Variants in SDK1 observed in about 807,000 individuals in gnomAD.
The protein encoded by SDK1 is protein sidekick-1.
Under a neutral mutation model 245.5 loss-of-function variants are expected in SDK1, and 157 were observed. That is an observed-to-expected ratio of 0.64 (90% CI 0.56 to 0.73). The LOEUF is 0.73. SDK1 is among the 30% of genes least tolerant of loss of function. SDK1 has a pLI of 0.00. For missense variants in SDK1, 3,583 were observed against 3,002.3 expected, an observed-to-expected ratio of 1.19 and a Z score of -4.52; for synonymous variants, 1,647 against 1,278.5, an observed-to-expected ratio of 1.29 and a Z score of -6.15.
chr7:3,585,663 G>C (rs1253639335), intron 1 of SDK1, among the ~76,000 whole-genome samples: 1 of 152,164 alleles, frequency 6.6e-6, no homozygotes, highest in Non-Finnish European at 1.5e-5. Context: ...GCATACAGCA[G>C]GTGTGCTGAG....
intron 44 of SDK1, among the ~76,000 whole-genome samples, chr7:4,253,415 C>T (rs556826867): frequency 1.3e-5 from 2 of 152,180 alleles, no homozygotes; most frequent in South Asian, 4.2e-4. Context: ...GTGTGTTTTA[C>T]ATTTCCTCAT....
chr7:3,510,834 A>G (rs1431239535), intron 1 of SDK1, among the ~76,000 whole-genome samples: 1 of 152,182 alleles, frequency 6.6e-6, no homozygotes, highest in Non-Finnish European at 1.5e-5. Flanking sequence ...GATGTAAATT[A>G]CCCCAACAAA....
intron 1 of SDK1, among the ~76,000 whole-genome samples, chr7:3,514,118 C>T (rs368056229): frequency 4.6e-5 from 7 of 152,018 alleles, no homozygotes; most frequent in South Asian, 4.1e-4. Flanking sequence ...AAGAGAGGGA[C>T]GACAAGACAG....
chr7:3,593,875 A>T (rs1434375571), intron 1 of SDK1, among the ~76,000 whole-genome samples: 1 of 152,202 alleles, frequency 6.6e-6, no homozygotes, highest in East Asian at 1.9e-4. Flanking sequence ...TCATTTGTAA[A>T]AGAATGAAGA....
chr7:4,043,924 C>T (rs1043288823), intron 17 of SDK1, among the ~76,000 whole-genome samples: 1 of 151,968 alleles, frequency 6.6e-6, no homozygotes, highest in Non-Finnish European at 1.5e-5. Context: ...TTGGTCTTTT[C>T]CCAATAGCTC....
intron 1 of SDK1, among the ~76,000 whole-genome samples, chr7:3,411,225 T>C (rs1562470679): frequency 1.3e-5 from 2 of 152,094 alleles, no homozygotes; most frequent in Non-Finnish European, 1.5e-5. Flanking sequence ...AGTTTCTGCA[T>C]TTACGGACAA....
rs571387705 is a variant in SDK1 at position 3,956,960 on chromosome 7, A to G, written c.1151-1971A>G. ...AGGCGACAACGGTAATCAGTACCTC[A>G]GGGAAGGCACCCTGGGCCCGTAGGT... On this transcript the variant is annotated intron_variant, in intron 7 of 44. Transcript: ENST00000404826. 1.6e-3 allele frequency among the ~76,000 whole-genome samples: 251 copies of G among 152,328 alleles called. 1 individual carries two copies. Among genetic ancestry groups the G allele is most frequent in the African/African-American group, 5.9e-3 (245 of 41,586 alleles).
Position 3,752,718 on chromosome 7 carries a change from CATTTTTATT to C in SDK1, c.714-68728_714-68720del, listed in dbSNP as rs531093665. Among the ~76,000 whole-genome samples the C allele has an allele frequency of 9.6e-4, 146 of 152,212 alleles. 1 individual carries two copies. Among genetic ancestry groups the C allele is most frequent in the Non-Finnish European group, 1.7e-3 (118 of 68,014 alleles). On this transcript the variant is annotated intron_variant, in intron 4 of 44. Coordinates refer to ENST00000404826, the MANE Select transcript of SDK1 (RefSeq NM_152744.4). ...CTCCGTGAATCCATTTCTTTCTTTG[CATTTTTATT>C]ATTGTGCATCATGAGACTCATCTTC... is the stretch of plus-strand genomic sequence containing the variant.
chr7:4,197,297 TGAAAAAAAAAA>T (rs942458218), intron 35 of SDK1, among the ~76,000 whole-genome samples: 2 of 129,470 alleles, frequency 1.5e-5, no homozygotes, highest in Non-Finnish European at 3.4e-5. Flanking sequence ...ACCTCATCTC[TGAAAAAAAAAA>T]GAAAAAGAAA....
chr7:3,596,557 C>T (rs1441442052), intron 1 of SDK1, among the ~76,000 whole-genome samples: 1 of 152,224 alleles, frequency 6.6e-6, no homozygotes, highest in Admixed American at 6.5e-5. Flanking sequence ...CACCTCCTCA[C>T]TCCAGATGAA....
intron 1 of SDK1, among the ~76,000 whole-genome samples, chr7:3,372,204 A>G (rs1176886218): frequency 6.6e-6 from 1 of 152,192 alleles, no homozygotes; most frequent in African/African-American, 2.4e-5. Context: ...AGTCTGGAGC[A>G]GTGCGAAGTC....
At position 3,428,388 on chromosome 7, in the gene SDK1, G is replaced by A. The variant is rs762233001; in HGVS notation, c.298+126504G>A. Among the ~76,000 whole-genome samples the A allele has an allele frequency of 2.6e-5, 4 of 152,236 alleles. No individual in the cohort carries two copies. In the East Asian group the frequency reaches 5.8e-4, roughly 22 times the overall value. On this transcript the variant is annotated intron_variant, in intron 1 of 44. Transcript: ENST00000404826. ...GAACTGTGCAAAGCAAGGACTGCGAGTATGTTATAACCATTTCACAAAGTC... is the reference window on the plus strand; with the variant it reads ...GAACTGTGCAAAGCAAGGACTGCGAATATGTTATAACCATTTCACAAAGTC...
intron 22 of SDK1, among the ~76,000 whole-genome samples, chr7:4,086,319 C>G (rs1781425434): frequency 6.6e-6 from 1 of 152,332 alleles, no homozygotes; most frequent in African/African-American, 2.4e-5. Context: ...TCACCAAAAA[C>G]TGAGTGGCTG....
At chr7:4,235,420 T>A (rs532238562) in intron 41 of SDK1, among the ~76,000 whole-genome samples, 1 of 152,336 alleles carries the variant, frequency 6.6e-6, no homozygotes, top group South Asian at 2.1e-4. Context: ...TGCCTTGGCC[T>A]CCCAAAGTGC....
chr7:3,629,294 C>T (rs1479351326), intron 2 of SDK1, among the ~76,000 whole-genome samples: 4 of 142,518 alleles, frequency 2.8e-5, no homozygotes, highest in Non-Finnish European at 6.1e-5. Context: ...GTACAATTCT[C>T]AGTCTCAAAA....
chr7:3,326,854 T>C (rs1439798020), intron 1 of SDK1, among the ~76,000 whole-genome samples: 1 of 152,180 alleles, frequency 6.6e-6, no homozygotes, highest in Non-Finnish European at 1.5e-5. Context: ...ATTTAACCTG[T>C]GATACCTCAC....
rs116800174 is a variant in SDK1 at position 4,191,271 on chromosome 7, C to T, written c.5098+12685C>T. ...CCCCCGCCGCGGTCACATGGGTGTCCTCCTGGCCCCCAGGCCAGGGTTCCC... is the reference window on the plus strand; with the variant it reads ...CCCCCGCCGCGGTCACATGGGTGTCTTCCTGGCCCCCAGGCCAGGGTTCCC... On this transcript the variant is annotated intron_variant, in intron 35 of 44. Coordinates refer to ENST00000404826, the MANE Select transcript of SDK1 (RefSeq NM_152744.4). Among the ~76,000 whole-genome samples, 1,184 of 152,234 alleles carry T rather than the reference C, an allele frequency of 7.8e-3. 13 individuals are homozygous for T. The highest frequency in any genetic ancestry group is 0.027 in the African/African-American group (1,122 of 41,494).
At chr7:3,845,131 G>A (rs958114628) in intron 5 of SDK1, among the ~76,000 whole-genome samples, 3 of 152,136 alleles carry the variant, frequency 2.0e-5, no homozygotes, top group Non-Finnish European at 4.4e-5. Context: ...GCTGGGTGGT[G>A]AGGCTGGGCC....
intron 5 of SDK1, among the ~76,000 whole-genome samples, chr7:3,867,623 C>G (rs1321972075): frequency 6.6e-6 from 1 of 152,154 alleles, no homozygotes; most frequent in Non-Finnish European, 1.5e-5. Flanking sequence ...CTCACTATCA[C>G]AACAGCAGCA....
Sources: gnomAD v4.1 joint callset for allele counts (sites outside exome capture counted in the v4.1 genomes callset) on GRCh38, gnomAD v4.1.1 for gene constraint, MANE v1.5 for transcripts, NCBI Gene and HGNC (gene_info 2026-07-23, HGNC 2026-07-21) for gene names.